EHBP1L1: variants seen among roughly 807,000 people sequenced by gnomAD.
EHBP1L1 encodes EH domain binding protein 1 like 1, also known as EH domain-binding protein 1-like protein 1.
EHBP1L1 carries 122 observed loss-of-function variants against 151.1 expected under a neutral mutation model. That is an observed-to-expected ratio of 0.81 (90% CI 0.70 to 0.94). The LOEUF is 0.94. Among genes scored for constraint, EHBP1L1 ranks in the 40% least tolerant of loss-of-function variants. The probability of loss-of-function intolerance (pLI) is 0.00; values close to 1 mark genes in which losing one functional copy is unlikely to be tolerated. For missense variants in EHBP1L1, 1,941 were observed against 1,959.8 expected (o/e 0.99, Z 0.18); for synonymous variants, 878 against 810.1 (o/e 1.08, Z -1.42).
In EHBP1L1 at chr11:65,592,091, G is replaced by A; in HGVS notation, c.4472+1G>A. The A allele has an allele frequency of 6.2e-7, 1 of 1,613,224 alleles. No individual in the cohort carries two copies. The highest frequency in any genetic ancestry group is 8.5e-7 in the Non-Finnish European group (1 of 1,179,564). On this transcript the variant is annotated splice_donor_variant, in intron 18 of 18. Coordinates refer to ENST00000309295, the MANE Select transcript of EHBP1L1 (RefSeq NM_001099409.3). LOFTEE classifies it high-confidence loss of function. ...GGGACCTGGACCACAAGGAGCGGAT[G>A]TGAGTGGCGCTGGGCGGCGCTGGGA...
chr11:65,585,254 G>GCGCAGA lies in EHBP1L1; in HGVS notation c.3599_3604dup (p.Ala1200_Asp1201dup). ...CAGGAGCCCAAGGAGGCCGCAGACC[G>GCGCAGA]CGCAGACGGGGCGGCCCCGGGGGTG... is the stretch of plus-strand genomic sequence containing the variant. On this transcript the variant is annotated inframe_insertion, in exon 12 of 19. Transcript: ENST00000309295. This position sits in a 1 kb window ranked among gnomAD's most constrained non-coding sequence, Gnocchi z 4.0. 1 of 1,096,018 alleles carries GCGCAGA rather than the reference G, an allele frequency of 9.1e-7. No individual in the cohort carries two copies. Among genetic ancestry groups the GCGCAGA allele is most frequent in the Non-Finnish European group, 1.1e-6 (1 of 900,964 alleles). The allele number at this position is 1,096,018 out of a possible 1,614,324, so 67.9% of individuals were successfully genotyped here. A position where few individuals can be genotyped will look rare whatever the true frequency, so the allele number is the denominator to read the frequency against.
intron 1 of EHBP1L1, 108 bp downstream of exon 1, chr11:65,576,514 C>G (rs977264800): frequency 2.1e-6 from 2 of 972,590 alleles, no homozygotes; most frequent in Non-Finnish European, 3.0e-6. Flanking sequence ...AAATGGGCCC[C>G]CACCCCAGCT....
At position 65,579,388 on chromosome 11, in the gene EHBP1L1, G is replaced by C. The variant is rs747272321; in HGVS notation, c.210G>C (p.Val70=). ...TCCAGAACCCATACCGGGGCACCGT[G>C]GTGTGGATGGTACCTGAGAATGTGG... ...PGIQNPYRGT[V]VWMVPENVDI... The change falls in exon 3 of 19, where the codon GTG becomes GTC. Residue 70 remains valine, a synonymous_variant. Transcript: ENST00000309295. 16 of 1,577,678 alleles carry C rather than the reference G, an allele frequency of 1.0e-5. No homozygotes were observed. In the South Asian group the frequency reaches 1.9e-4, roughly 18 times the overall value.
intron 6 of EHBP1L1, 25 bp from the exon 7 acceptor site, chr11:65,581,033 T>A (rs762100494): frequency 1.3e-6 from 2 of 1,582,960 alleles, no homozygotes; most frequent in Admixed American, 1.8e-5. Flanking sequence ...GACTCTGCCC[T>A]TCTCCCCTCT....
intron 11 of EHBP1L1, 24 bp from the exon 12 acceptor site, chr11:65,584,935 A>G: frequency 6.5e-7 from 1 of 1,530,884 alleles, no homozygotes; most frequent in Non-Finnish European, 8.7e-7. Flanking sequence ...GCCGCCGCTG[A>G]CCCCGAGTGC....
chr11:65,590,373 G>T (rs1470118434), intron 15 of EHBP1L1, 120 bp from the exon 16 acceptor site: 2 of 1,498,396 alleles, frequency 1.3e-6, no homozygotes, highest in East Asian at 4.9e-5. Context: ...GCTTCCTCGA[G>T]GCACACAGTT....
Position 65,581,137 on chromosome 11 carries a change from G to A in EHBP1L1, c.703+11G>A. On this transcript the variant is annotated intron_variant, in intron 7 of 18. Coordinates refer to ENST00000309295, the MANE Select transcript of EHBP1L1 (RefSeq NM_001099409.3). Reference sequence around the variant, plus strand: ...GACCCCAGCAGGCAGGTGAGACCCAGGCTGGGGTTGGGGGTGGAGACTGGA... The same window carrying A: ...GACCCCAGCAGGCAGGTGAGACCCAAGCTGGGGTTGGGGGTGGAGACTGGA... The A allele has an allele frequency of 6.2e-7, 1 of 1,612,880 alleles. No individual in the cohort carries two copies. Among genetic ancestry groups the A allele is most frequent in the Non-Finnish European group, 8.5e-7 (1 of 1,179,676 alleles).
Position 65,589,972 on chromosome 11 carries a change from C to A in EHBP1L1, c.4040C>A (p.Pro1347Gln). 2 of 1,591,294 alleles carry A rather than the reference C, an allele frequency of 1.3e-6. No individual in the cohort carries two copies. The highest frequency in any genetic ancestry group is 1.7e-6 in the Non-Finnish European group (2 of 1,165,242). The change falls in exon 14 of 19, where the codon CCA becomes CAA. Residue 1347 changes from proline to glutamine, a missense_variant. Physicochemically the swap from Pro to Gln is moderately conservative, Grantham distance 76. Transcript: ENST00000309295. Reference sequence around the variant, plus strand: ...CCCTCGGAGGAACCACCCCCAAGCCCAGGGGAGGAGGCTGGGCTGGTAAGG... The same window carrying A: ...CCCTCGGAGGAACCACCCCCAAGCCAAGGGGAGGAGGCTGGGCTGGTAAGG... ...SSPSEEPPPS[P>Q]GEEAGLQRFQ...
chr11:65,586,384 C>G (rs2135302591), intron 12 of EHBP1L1, among the ~76,000 whole-genome samples: 1 of 152,362 alleles, frequency 6.6e-6, no homozygotes. Flanking sequence ...AACCAAGGGG[C>G]AGCTCTGCCA....
chr11:65,584,037 G>A (rs1205762234), intron 9 of EHBP1L1: 7 of 1,412,096 alleles, frequency 5.0e-6, no homozygotes, highest in Non-Finnish European at 6.4e-6. Flanking sequence ...CTTGTCTGGG[G>A]GCCACTGACC....
intron 15 of EHBP1L1, 76 bp from the exon 16 acceptor site, chr11:65,590,417 C>T: frequency 6.4e-7 from 1 of 1,553,762 alleles, no homozygotes; most frequent in Non-Finnish European, 8.7e-7. Context: ...GAGCAAACCC[C>T]CTCCCCCAAC....
In EHBP1L1 at chr11:65,583,053, C is replaced by T. The variant is rs371775209; in HGVS notation, c.2381C>T (p.Thr794Ile). The change falls in exon 9 of 19, where the codon ACA becomes ATA. Residue 794 changes from threonine to isoleucine, a missense_variant. Thr to Ile is a moderately conservative substitution (Grantham distance 89). Transcript: ENST00000309295. The part of the protein sequence containing the change: ...SGVPGLEADT[T>I]GIQVKEVGGS... ...GTCCCAGGGTTAGAAGCTGATACAA[C>T]AGGGATCCAGGTGAAAGAGGTTGGG... is the stretch of plus-strand genomic sequence containing the variant. 10 of 1,613,082 alleles carry T rather than the reference C, an allele frequency of 6.2e-6. No homozygotes were observed. Among genetic ancestry groups the T allele is most frequent in the Non-Finnish European group, 8.5e-6 (10 of 1,179,604 alleles).
At position 65,576,379 on chromosome 11, in the gene EHBP1L1, A is replaced by G. The variant is rs903014983; in HGVS notation, c.77A>G (p.Glu26Gly). 2.5e-6 allele frequency: 4 copies of G among 1,592,758 alleles called. No individual in the cohort carries two copies. Among genetic ancestry groups the G allele is most frequent in the Non-Finnish European group, 2.6e-6 (3 of 1,170,164 alleles). Residue 26 changes from glutamate to glycine, a missense_variant, in exon 1 of 19, where the codon GAG (glutamate) becomes GGG (glycine). Transcript: ENST00000309295. ...TTCCAGTTCGTGGCCTGTTACCACG[A>G]GCTAGTGTTGGAGTGCACCAAGAAA... is the stretch of plus-strand genomic sequence containing the variant. ...AKFQFVACYHELVLECTKKWQ... is the reference protein window; with the variant it reads ...AKFQFVACYHGLVLECTKKWQ...
In EHBP1L1 at chr11:65,576,330, C is replaced by T. The variant is rs749308849; in HGVS notation, c.28C>T (p.Arg10Cys). The change falls in exon 1 of 19, where the codon CGC (arginine) becomes TGC (cysteine). Residue 10 changes from arginine (R) to cysteine (C), a missense_variant. Physicochemically the swap from Arg to Cys is radical, Grantham distance 180 (BLOSUM62 -3). Transcript: ENST00000309295. MTSVWKRLQ[R>C]VGKRAAKFQF... ...GACCTCGGTGTGGAAGCGCCTGCAG[C>T]GCGTGGGCAAGCGGGCGGCCAAGTT... 15 of 1,598,130 alleles carry T rather than the reference C, an allele frequency of 9.4e-6. No homozygotes were observed. Among genetic ancestry groups the T allele is most frequent in the Admixed American group, 1.7e-5 (1 of 57,648 alleles).
At chr11:65,581,028 T>C in intron 6 of EHBP1L1, 30 bp from the exon 7 acceptor site, 2 of 1,575,372 alleles carry the variant, frequency 1.3e-6, no homozygotes, top group Non-Finnish European at 1.7e-6. Context: ...GGGCTGACTC[T>C]GCCCTTCTCC....
At position 65,584,497 on chromosome 11, in the gene EHBP1L1, C is replaced by T; in HGVS notation, c.3263C>T (p.Ser1088Leu). The T allele has an allele frequency of 6.2e-7, 1 of 1,612,970 alleles. No individual in the cohort carries two copies. The highest frequency in any genetic ancestry group is 1.3e-5 in the African/African-American group (1 of 74,912). The change falls in exon 11 of 19, where the codon TCG (serine) becomes TTG (leucine). Residue 1088 changes from serine (S) to leucine (L), a missense_variant. Coordinates refer to ENST00000309295, the MANE Select transcript of EHBP1L1 (RefSeq NM_001099409.3). ...RFYPDKIDYA[S>L]LDPLNIKQNN... Reference sequence around the variant, plus strand: ...CACACTCTCTGCAGTGACTATGCCTCGCTAGACCCACTCAACATCAAGCAG... The same window carrying T: ...CACACTCTCTGCAGTGACTATGCCTTGCTAGACCCACTCAACATCAAGCAG...
Position 65,589,979 on chromosome 11 carries a change from G to A in EHBP1L1, c.4047G>A (p.Glu1349=), listed in dbSNP as rs1278799524. 1 of 1,595,008 alleles carries A rather than the reference G, an allele frequency of 6.3e-7. No homozygotes were observed. ...AGGAACCACCCCCAAGCCCAGGGGA[G>A]GAGGCTGGGCTGGTAAGGAGGGCTA... ...PSEEPPPSPG[E]EAGLQRFQDT... is the part of the protein sequence containing the mutation. Residue 1349 remains glutamate, a synonymous_variant, in exon 14 of 19, where the codon GAG becomes GAA. Transcript: ENST00000309295.
rs545209585 is a variant in EHBP1L1 at position 65,592,081 on chromosome 11, A to G, written c.4463A>G (p.Lys1488Arg). ...RDELVRDLDHKERIALEEDER... is the reference protein window; with the variant it reads ...RDELVRDLDHRERIALEEDER... Reference sequence around the variant, plus strand: ...GAGCTAGTCCGGGACCTGGACCACAAGGAGCGGATGTGAGTGGCGCTGGGC... The same window carrying G: ...GAGCTAGTCCGGGACCTGGACCACAGGGAGCGGATGTGAGTGGCGCTGGGC... Residue 1488 changes from lysine (K) to arginine (R), a missense_variant, in exon 18 of 19, where the codon AAG (lysine) becomes AGG (arginine). Transcript: ENST00000309295. 2.1e-5 allele frequency: 34 copies of G among 1,613,260 alleles called. No individual in the cohort carries two copies. In the Admixed American group the frequency reaches 5.0e-4, roughly 24 times the overall value.
intron 12 of EHBP1L1, among the ~76,000 whole-genome samples, chr11:65,587,108 C>T (rs1858009696): frequency 6.6e-6 from 1 of 152,198 alleles, no homozygotes; most frequent in Non-Finnish European, 1.5e-5. Context: ...GGCACCGTGG[C>T]TCATACTTGT....
Sources: allele counts gnomAD v4.1 joint callset (sites outside exome capture counted in the v4.1 genomes callset), GRCh38; gene constraint gnomAD v4.1.1; non-coding constraint Gnocchi (gnomAD v3.1); transcripts MANE v1.5; gene names NCBI Gene and HGNC (gene_info 2026-07-23, HGNC 2026-07-21).